NALF1: variants seen among roughly 807,000 people sequenced by gnomAD.
The protein encoded by NALF1 is family with sequence similarity 155 member A.
A neutral mutation model predicts 48.4 loss-of-function variants in NALF1; 3 were observed. The ratio of observed to expected loss-of-function variants is 0.06; its 90% CI spans 0.03 to 0.16. NALF1 has a LOEUF of 0.16. NALF1 is among the 10% of genes least tolerant of loss of function. The pLI is 1.00. For synonymous variants in NALF1, 262 were observed against 245.7 expected, an observed-to-expected ratio of 1.07 and a Z score of -0.62; for missense variants, 526 against 571.5, an observed-to-expected ratio of 0.92 and a Z score of 0.81.
chr13:107,700,277 A>G (rs1881788764), intron 1 of NALF1, among the ~76,000 whole-genome samples: 1 of 152,120 alleles, frequency 6.6e-6, no homozygotes, highest in South Asian at 2.1e-4. Flanking sequence ...CAGTACTCAG[A>G]ACAGTATGGT....
At chr13:107,651,353 G>A (rs768690438) in intron 1 of NALF1, among the ~76,000 whole-genome samples, 1 of 152,152 alleles carries the variant, frequency 6.6e-6, no homozygotes, top group Non-Finnish European at 1.5e-5. Context: ...ATTACACAAC[G>A]TCGAAATGTC....
intron 1 of NALF1, among the ~76,000 whole-genome samples, chr13:107,390,109 C>G (rs1331564254): frequency 2.0e-5 from 3 of 152,096 alleles, no homozygotes; most frequent in African/African-American, 7.2e-5. Context: ...ATGGCTCACA[C>G]CTGTAATCCC....
At chr13:107,528,376 G>C (rs924376463) in intron 1 of NALF1, among the ~76,000 whole-genome samples, 5 of 152,152 alleles carry the variant, frequency 3.3e-5, no homozygotes, top group East Asian at 1.9e-4. Flanking sequence ...GTAACTGTGT[G>C]ACATATCAGT....
At chr13:107,828,256 G>A (rs1372400635) in intron 1 of NALF1, among the ~76,000 whole-genome samples, 3 of 152,056 alleles carry the variant, frequency 2.0e-5, no homozygotes, top group African/African-American at 4.8e-5. Context: ...CCAAATTTTT[G>A]TTATTGTTAT....
chr13:107,468,423 A>G (rs1885043701), intron 1 of NALF1, among the ~76,000 whole-genome samples: 1 of 152,244 alleles, frequency 6.6e-6, no homozygotes, highest in South Asian at 2.1e-4. Context: ...TGTACATGGA[A>G]GAATGAAAGG....
chr13:107,797,714 A>G (rs1274216937), intron 1 of NALF1, among the ~76,000 whole-genome samples: 1 of 152,192 alleles, frequency 6.6e-6, no homozygotes, highest in Non-Finnish European at 1.5e-5. Context: ...TTCAGATTTT[A>G]TATTTGAAGA....
At position 107,210,573 on chromosome 13, in the gene NALF1, C is replaced by A. The variant is rs201366688; in HGVS notation, c.1087+11G>T. ...GGAGACTGGTGTACAGACTCCCACC[C>A]GGCACTGTACCTGTACAGATGAAAC... is the stretch of plus-strand genomic sequence containing the variant. On this transcript the variant is annotated intron_variant, in intron 2 of 2. Coordinates refer to ENST00000375915, the MANE Select transcript of NALF1 (RefSeq NM_001080396.3). 1 of 1,598,756 alleles carries A rather than the reference C, an allele frequency of 6.3e-7. No homozygotes were observed. The highest frequency in any genetic ancestry group is 8.6e-7 in the Non-Finnish European group (1 of 1,166,686).
chr13:107,366,722 G>A (rs556063541), intron 1 of NALF1, among the ~76,000 whole-genome samples: 18 of 152,282 alleles, frequency 1.2e-4, no homozygotes, highest in African/African-American at 2.9e-4. Flanking sequence ...TCATTTAGTC[G>A]TAAGCAATTT....
chr13:107,356,161 A>G (rs945886632), intron 1 of NALF1, among the ~76,000 whole-genome samples: 1 of 152,196 alleles, frequency 6.6e-6, no homozygotes, highest in Non-Finnish European at 1.5e-5. Context: ...GAAACTTCAG[A>G]GATTTTCTGT....
chr13:107,576,013 C>T (rs941088890), intron 1 of NALF1, among the ~76,000 whole-genome samples: 4 of 124,828 alleles, frequency 3.2e-5, no homozygotes, highest in Non-Finnish European at 7.4e-5. Flanking sequence ...TGTGTGTGTA[C>T]CTGTGTCTGT....
At chr13:107,823,410 G>A (rs73587797) in intron 1 of NALF1, among the ~76,000 whole-genome samples, 5,641 of 152,076 alleles carry the variant, frequency 0.037, 373 homozygotes, top group African/African-American at 0.13. Flanking sequence ...TTTGTTCTCC[G>A]TGCAAAATCA....
At chr13:107,746,554 A>G (rs1200092932) in intron 1 of NALF1, among the ~76,000 whole-genome samples, 1 of 152,204 alleles carries the variant, frequency 6.6e-6, no homozygotes, top group Non-Finnish European at 1.5e-5. Flanking sequence ...ACTTTATATT[A>G]GCATATAATC....
chr13:107,867,112 C>T lies in NALF1; in HGVS notation c.-516G>A, dbSNP rs1207367036. On this transcript the variant is annotated 5_prime_UTR_variant, in exon 1 of 3. Transcript: ENST00000375915. The surrounding 1 kb of genome is among the most constrained non-coding windows in gnomAD (Gnocchi z 4.4). ...GCCTCCGCTGCCCACTGACGGCGCC[C>T]GGAGCGCCTCCCCTCCTCCTCCTCC... 6.6e-6 allele frequency among the ~76,000 whole-genome samples: 1 copy of T among 151,122 alleles called. No homozygotes were observed. The highest frequency in any genetic ancestry group is 2.4e-5 in the African/African-American group (1 of 41,140).
intron 1 of NALF1, among the ~76,000 whole-genome samples, chr13:107,841,471 A>G (rs1880041200): frequency 6.6e-6 from 1 of 152,038 alleles, no homozygotes; most frequent in Non-Finnish European, 1.5e-5. Flanking sequence ...AAAATGTTTG[A>G]GGGGAAAAAA....
chr13:107,662,892 T>C (rs1310973162), intron 1 of NALF1, among the ~76,000 whole-genome samples: 1 of 152,156 alleles, frequency 6.6e-6, no homozygotes, highest in Non-Finnish European at 1.5e-5. Flanking sequence ...TAAGTATGTT[T>C]TAGAGATTTT....
intron 1 of NALF1, among the ~76,000 whole-genome samples, chr13:107,848,371 T>C (rs1405819255): frequency 6.6e-6 from 1 of 152,202 alleles, no homozygotes; most frequent in Non-Finnish European, 1.5e-5. Flanking sequence ...TGTTTGATGT[T>C]ATAAATGCAG....
intron 1 of NALF1, among the ~76,000 whole-genome samples, chr13:107,657,616 T>C (rs1468235200): frequency 1.3e-5 from 2 of 152,126 alleles, no homozygotes; most frequent in Non-Finnish European, 2.9e-5. Flanking sequence ...TACCAGTCTT[T>C]GTGGGGATAC....
At chr13:107,611,978 A>AAGAGAAGAGGAGAGAAGAGG (rs962974958) in intron 1 of NALF1, among the ~76,000 whole-genome samples, 82 of 139,274 alleles carry the variant, frequency 5.9e-4, no homozygotes, top group African/African-American at 2.0e-3. Flanking sequence ...GAAAGAAGAG[A>AAGAGAAGAGGAGAGAAGAGG]AGAGAAGAGG....
intron 1 of NALF1, among the ~76,000 whole-genome samples, chr13:107,305,318 A>G (rs1881914117): frequency 6.6e-6 from 1 of 152,248 alleles, no homozygotes; most frequent in Non-Finnish European, 1.5e-5. Flanking sequence ...CCTTCTTGAG[A>G]AATGTCAGAG....
Sources: allele counts gnomAD v4.1 joint callset (sites outside exome capture counted in the v4.1 genomes callset), GRCh38; gene constraint gnomAD v4.1.1; non-coding constraint Gnocchi (gnomAD v3.1); transcripts MANE v1.5; gene names NCBI Gene and HGNC (gene_info 2026-07-23, HGNC 2026-07-21).